The following TMPRSS11A variants were observed in gnomAD, a reference collection of about 807,000 sequenced individuals.
TMPRSS11A encodes the protein transmembrane serine protease 11A, also known as transmembrane protease serine 11A.
TMPRSS11A carries 53 observed loss-of-function variants against 58.9 expected under a neutral mutation model. That is an observed-to-expected ratio of 0.90 (90% CI 0.72 to 1.13). The LOEUF (loss-of-function observed/expected upper bound fraction) is 1.13. Ranked by LOEUF, TMPRSS11A falls within the 50% of genes most tolerant of loss-of-function variation. The pLI is 0.00. For missense variants in TMPRSS11A, 493 were observed against 499.3 expected (o/e 0.99, Z 0.12); for synonymous variants, 167 against 169.8 (o/e 0.98, Z 0.13).
At position 67,919,171 on chromosome 4, in the gene TMPRSS11A, T is replaced by A. The variant is rs777041445; in HGVS notation, c.754A>T (p.Lys252Ter). 2 of 1,614,196 alleles carry A rather than the reference T, an allele frequency of 1.2e-6. No homozygotes were observed. Among genetic ancestry groups the A allele is most frequent in the Non-Finnish European group, 1.7e-6 (2 of 1,180,008 alleles). ...FGTKINPPLM[K>*]RNVRRFIIHE... is the part of the protein sequence containing the mutation. The stretch of plus-strand genomic sequence containing the variant: ...ATAATAAATCTTCTGACATTTCTTT[T>A]CATTAAGGGAGGGTTGATTTTTGTT... The change falls in exon 8 of 10, where the codon AAA (lysine) becomes TAA (stop). Residue 252 changes from lysine (K) to a stop codon, truncating the protein, a stop_gained. Transcript: ENST00000508048. LOFTEE classifies it high-confidence loss of function.
At chr4:67,942,705 T>G (rs757721767) in intron 3 of TMPRSS11A, among the ~76,000 whole-genome samples, 4 of 152,134 alleles carry the variant, frequency 2.6e-5, no homozygotes, top group Non-Finnish European at 5.9e-5. Context: ...ATATGTACAT[T>G]CAATGACCTA....
chr4:67,943,654 C>T (rs1035936805), intron 3 of TMPRSS11A, among the ~76,000 whole-genome samples: 3 of 146,374 alleles, frequency 2.0e-5, no homozygotes, highest in Non-Finnish European at 3.0e-5. Context: ...AAAGATGAAA[C>T]CACAAAATTA....
intron 1 of TMPRSS11A, among the ~76,000 whole-genome samples, chr4:67,962,399 C>G (rs1721455098): frequency 1.3e-5 from 2 of 152,076 alleles, no homozygotes; most frequent in Non-Finnish European, 2.9e-5. Context: ...GCCACCCAGA[C>G]AGGCTGCAGT....
At chr4:67,941,500 A>T (rs1720878327) in intron 3 of TMPRSS11A, among the ~76,000 whole-genome samples, 1 of 152,244 alleles carries the variant, frequency 6.6e-6, no homozygotes, top group African/African-American at 2.4e-5. Flanking sequence ...ATGTCATGAT[A>T]TTCAATTCCA....
intron 9 of TMPRSS11A, among the ~76,000 whole-genome samples, chr4:67,913,158 C>T (rs1720036371): frequency 6.6e-6 from 1 of 152,086 alleles, no homozygotes; most frequent in Non-Finnish European, 1.5e-5. Context: ...AAGCTCTGTG[C>T]TTTTGTGCTG....
chr4:67,917,245 C>A (rs533590883), intron 8 of TMPRSS11A, among the ~76,000 whole-genome samples: 1 of 151,736 alleles, frequency 6.6e-6, no homozygotes, highest in Non-Finnish European at 1.5e-5. Flanking sequence ...TTATAATATG[C>A]ATTTTCTATA....
At chr4:67,949,297 A>T (rs1721099492) in intron 1 of TMPRSS11A, among the ~76,000 whole-genome samples, 1 of 152,164 alleles carries the variant, frequency 6.6e-6, no homozygotes, top group Non-Finnish European at 1.5e-5. Context: ...TGACATACTG[A>T]TCAAGTGTCA....
chr4:67,915,199 A>G (rs75555361), intron 8 of TMPRSS11A, among the ~76,000 whole-genome samples: 2 of 152,018 alleles, frequency 1.3e-5, no homozygotes, highest in East Asian at 1.9e-4. Flanking sequence ...ATATACATAT[A>G]TTATACATCA....
rs766437028 is a variant in TMPRSS11A, at chr4:67,914,577, C to T, written c.1095+11G>A. ...TTGAGTTAGTAATATAAAAAAATCC[C>T]TCCAACTTACCCTGCAGGCATCATA... On this transcript the variant is annotated intron_variant, in intron 9 of 9. Coordinates refer to ENST00000508048, the MANE Select transcript of TMPRSS11A (RefSeq NM_001114387.2). 3 of 1,611,938 alleles carry T rather than the reference C, an allele frequency of 1.9e-6. No individual in the cohort carries two copies. The highest frequency in any genetic ancestry group is 1.1e-5 in the South Asian group (1 of 90,436).
At chr4:67,921,483 A>G (rs1226789921) in intron 7 of TMPRSS11A, among the ~76,000 whole-genome samples, 1 of 152,044 alleles carries the variant, frequency 6.6e-6, no homozygotes, top group Non-Finnish European at 1.5e-5. Flanking sequence ...ATAGGTAGGC[A>G]CCACCATGCC....
At chr4:67,927,025 T>C (rs1720491312) in intron 5 of TMPRSS11A, among the ~76,000 whole-genome samples, 2 of 152,158 alleles carry the variant, frequency 1.3e-5, no homozygotes, top group Non-Finnish European at 2.9e-5. Flanking sequence ...TGGGACACCC[T>C]GGCTATGAAG....
chr4:67,933,433 C>A (rs1014787903), intron 3 of TMPRSS11A, among the ~76,000 whole-genome samples: 7 of 152,118 alleles, frequency 4.6e-5, no homozygotes, highest in Non-Finnish European at 1.0e-4. Context: ...GTAAATTTTA[C>A]TTCGGTTTCT....
intron 1 of TMPRSS11A, among the ~76,000 whole-genome samples, chr4:67,951,847 C>T (rs895140331): frequency 3.3e-5 from 5 of 152,164 alleles, no homozygotes; most frequent in African/African-American, 1.2e-4. Context: ...ACCTAGAAAG[C>T]TTTGCTTCCC....
At chr4:67,942,790 T>C (rs1448786826) in intron 3 of TMPRSS11A, among the ~76,000 whole-genome samples, 2 of 152,258 alleles carry the variant, frequency 1.3e-5, no homozygotes, top group South Asian at 4.1e-4. Context: ...TGGCATTTCT[T>C]GGCATGACAG....
At chr4:67,917,831 G>T (rs1366319372) in intron 8 of TMPRSS11A, among the ~76,000 whole-genome samples, 2 of 152,286 alleles carry the variant, frequency 1.3e-5, no homozygotes, top group South Asian at 4.1e-4. Context: ...TATCTTCAGA[G>T]AAAATCCATC....
intron 1 of TMPRSS11A, among the ~76,000 whole-genome samples, chr4:67,954,496 G>A (rs1348137526): frequency 6.6e-6 from 1 of 152,174 alleles, no homozygotes; most frequent in Non-Finnish European, 1.5e-5. Context: ...CCCTCACTCA[G>A]TTAAAGGTCC....
At chr4:67,915,507 G>T (rs1013789856) in intron 8 of TMPRSS11A, among the ~76,000 whole-genome samples, 5 of 152,144 alleles carry the variant, frequency 3.3e-5, no homozygotes, top group Admixed American at 6.5e-5. Flanking sequence ...CTCATGATTA[G>T]GTTATGTTAT....
chr4:67,954,904 GA>G (rs1422573185), intron 1 of TMPRSS11A, among the ~76,000 whole-genome samples: 5 of 152,166 alleles, frequency 3.3e-5, no homozygotes, highest in Non-Finnish European at 7.4e-5. Context: ...TTAAATGCAT[GA>G]ATACATATTA....
chr4:67,963,407 A>G lies in TMPRSS11A; in HGVS notation c.-14T>C. On this transcript the variant is annotated 5_prime_UTR_variant, in exon 1 of 10. Transcript: ENST00000508048. ...CCGATACATCATGTACAGGAGGAAGAATATGATCTTGCAGGTCTGCACCCA... is the reference window on the plus strand; with the variant it reads ...CCGATACATCATGTACAGGAGGAAGGATATGATCTTGCAGGTCTGCACCCA... The G allele has an allele frequency of 6.2e-7, 1 of 1,613,774 alleles. No homozygotes were observed. The highest frequency in any genetic ancestry group is 8.5e-7 in the Non-Finnish European group (1 of 1,179,846).
Sources: allele counts gnomAD v4.1 joint callset (sites outside exome capture counted in the v4.1 genomes callset), GRCh38; gene constraint gnomAD v4.1.1; transcripts MANE v1.5; gene names NCBI Gene and HGNC (gene_info 2026-07-23, HGNC 2026-07-21).